PTPRG: variants seen among roughly 807,000 people sequenced by gnomAD.
PTPRG encodes protein tyrosine phosphatase receptor type G.
PTPRG carries 102 observed loss-of-function variants against 165.3 expected under a neutral mutation model. The ratio of observed to expected loss-of-function variants is 0.62; its 90% CI spans 0.53 to 0.73. The LOEUF is 0.73. Ranked by LOEUF, PTPRG falls within the 30% of genes least tolerant of loss-of-function variation. PTPRG has a pLI of 0.00. For synonymous variants in PTPRG, 675 were observed against 669.5 expected, an observed-to-expected ratio of 1.01 and a Z score of -0.13; for missense variants, 1,866 against 1,861.4, an observed-to-expected ratio of 1.00 and a Z score of -0.05.
At chr3:62,199,383 T>C (rs946289327) in intron 10 of PTPRG, among the ~76,000 whole-genome samples, 2 of 152,118 alleles carry the variant, frequency 1.3e-5, no homozygotes, top group Admixed American at 6.5e-5. Context: ...CATGTACACA[T>C]GAGGGGAGTG....
chr3:61,737,730 C>T lies in PTPRG; in HGVS notation c.86-11148C>T, dbSNP rs541824374. On this transcript the variant is annotated intron_variant, in intron 1 of 29. Coordinates refer to ENST00000474889, the MANE Select transcript of PTPRG (RefSeq NM_002841.4). Reference sequence around the variant, plus strand: ...TTGGAGTGTCCCCTGTATTTGATCCCCAGACGCAGGTCCTAGGGCTTGTGC... The same window carrying T: ...TTGGAGTGTCCCCTGTATTTGATCCTCAGACGCAGGTCCTAGGGCTTGTGC... Among the ~76,000 whole-genome samples the T allele has an allele frequency of 1.1e-4, 16 of 151,992 alleles. 2 individuals are homozygous for T. In the South Asian group the frequency reaches 3.3e-3, roughly 32 times the overall value.
At chr3:61,946,021 A>C (rs918562648) in intron 2 of PTPRG, among the ~76,000 whole-genome samples, 11 of 152,044 alleles carry the variant, frequency 7.2e-5, no homozygotes, top group African/African-American at 2.7e-4. Context: ...TTTCTTTACT[A>C]TTATCTCTCT....
intron 5 of PTPRG, among the ~76,000 whole-genome samples, chr3:62,104,747 T>C (rs185747512): frequency 2.4e-4 from 36 of 152,358 alleles, no homozygotes; most frequent in African/African-American, 7.7e-4. Context: ...GACCTTCCCA[T>C]GTGCATTACT....
chr3:61,944,327 C>A (rs747538134), intron 2 of PTPRG, among the ~76,000 whole-genome samples: 1 of 152,144 alleles, frequency 6.6e-6, no homozygotes, highest in Non-Finnish European at 1.5e-5. Context: ...GTGATCGGAG[C>A]GCATCTTACA....
At chr3:61,926,609 C>CTCCTTCCTTCCTTCCTTCCT (rs1190200426) in intron 2 of PTPRG, among the ~76,000 whole-genome samples, 54 of 94,792 alleles carry the variant, frequency 5.7e-4, no homozygotes, top group African/African-American at 2.4e-3. Flanking sequence ...CCCTCCCTCC[C>CTCCTTCCTTCCTTCCTTCCT]TCCTTCCTTC....
chr3:61,790,480 A>G (rs1027122494), intron 2 of PTPRG, among the ~76,000 whole-genome samples: 3 of 152,230 alleles, frequency 2.0e-5, no homozygotes, highest in African/African-American at 4.8e-5. Flanking sequence ...GAAAACATCA[A>G]TAGTGAGTGT....
At chr3:61,743,295 C>T (rs2033074572) in intron 1 of PTPRG, among the ~76,000 whole-genome samples, 1 of 152,178 alleles carries the variant, frequency 6.6e-6, no homozygotes, top group South Asian at 2.1e-4. Context: ...ACTTAAGATT[C>T]CTCCTGCTGA....
chr3:61,742,387 G>A, intron 1 of PTPRG: 1 of 1,144,424 alleles, frequency 8.7e-7, no homozygotes, highest in Non-Finnish European at 1.2e-6. Flanking sequence ...GAAGAAATTG[G>A]GCCTTTGGGT....
rs1432082804 is a variant in PTPRG at position 61,640,012 on chromosome 3, C to G, written c.85+77640C>G. On this transcript the variant is annotated intron_variant, in intron 1 of 29. Transcript: ENST00000474889. ...TCATTCAATAAAAACTCAACACATA[C>G]TAAGTATGGAGTGGTATATACCTTT... Among the ~76,000 whole-genome samples, 3 of 152,142 alleles carry G rather than the reference C, an allele frequency of 2.0e-5. No individual in the cohort carries two copies. In the South Asian group the frequency reaches 6.2e-4, roughly 31 times the overall value.
At chr3:61,563,102 C>G (rs1003586061) in intron 1 of PTPRG, among the ~76,000 whole-genome samples, 3 of 150,952 alleles carry the variant, frequency 2.0e-5, no homozygotes, top group Admixed American at 1.3e-4. Flanking sequence ...CTGCTCTGCT[C>G]GATTGGATTG....
chr3:62,179,850 G>A (rs955925311), intron 8 of PTPRG, among the ~76,000 whole-genome samples: 6 of 152,206 alleles, frequency 3.9e-5, no homozygotes, highest in African/African-American at 1.4e-4. Flanking sequence ...TGGTTCAGAC[G>A]CCACATCTGG....
At chr3:61,930,734 C>T (rs747404969) in intron 2 of PTPRG, among the ~76,000 whole-genome samples, 8 of 152,152 alleles carry the variant, frequency 5.3e-5, no homozygotes, top group Non-Finnish European at 1.0e-4. Flanking sequence ...GGTAATTATG[C>T]TGTCGAACCA....
At chr3:61,754,610 A>G (rs564096865) in intron 2 of PTPRG, among the ~76,000 whole-genome samples, 2 of 152,304 alleles carry the variant, frequency 1.3e-5, no homozygotes, top group South Asian at 4.1e-4. Flanking sequence ...AAATTAACTC[A>G]AGCCAGAGTC....
At chr3:61,695,151 C>G (rs1261611120) in intron 1 of PTPRG, among the ~76,000 whole-genome samples, 3 of 152,082 alleles carry the variant, frequency 2.0e-5, no homozygotes, top group Admixed American at 2.0e-4. Flanking sequence ...GCTGGGATTA[C>G]AGGCGCCTGC....
intron 1 of PTPRG, among the ~76,000 whole-genome samples, chr3:61,571,529 A>G (rs1001497105): frequency 6.6e-6 from 1 of 152,202 alleles, no homozygotes; most frequent in South Asian, 2.1e-4. Context: ...CAATTAGTAT[A>G]GGATTTTATT....
chr3:61,909,737 A>G (rs1201404683), intron 2 of PTPRG, among the ~76,000 whole-genome samples: 1 of 151,628 alleles, frequency 6.6e-6, no homozygotes, highest in African/African-American at 2.4e-5. Flanking sequence ...CCTCAAGGGT[A>G]GCAAAGTAAT....
chr3:62,104,041 G>A (rs573915957), intron 5 of PTPRG, among the ~76,000 whole-genome samples: 1 of 152,338 alleles, frequency 6.6e-6, no homozygotes, highest in Admixed American at 6.5e-5. Flanking sequence ...TCAGGGTCTA[G>A]AGTATTAGGT....
At chr3:61,810,497 A>C (rs967588069) in intron 2 of PTPRG, among the ~76,000 whole-genome samples, 1 of 152,188 alleles carries the variant, frequency 6.6e-6, no homozygotes, top group Non-Finnish European at 1.5e-5. Context: ...CGACAGTGCG[A>C]AGGGATACCT....
At chr3:61,999,575 T>G (rs949987808) in intron 3 of PTPRG, among the ~76,000 whole-genome samples, 10 of 152,242 alleles carry the variant, frequency 6.6e-5, no homozygotes, top group African/African-American at 2.4e-4. Context: ...AGATTCAACT[T>G]TTCCTGCTGT....
Sources: allele counts gnomAD v4.1 joint callset (sites outside exome capture counted in the v4.1 genomes callset), GRCh38; gene constraint gnomAD v4.1.1; transcripts MANE v1.5; gene names NCBI Gene and HGNC (gene_info 2026-07-23, HGNC 2026-07-21).